TAPT1: variants seen among roughly 807,000 people sequenced by gnomAD.
TAPT1 encodes transmembrane anterior posterior transformation 1.
TAPT1 carries 28 observed loss-of-function variants against 65.6 expected under a neutral mutation model. The observed-to-expected ratio is 0.43, with a 90% CI of 0.32 to 0.59. The LOEUF (loss-of-function observed/expected upper bound fraction) is 0.59, where lower values mean the gene tolerates loss of function less well. TAPT1 is among the 20% of genes least tolerant of loss of function. TAPT1 has a pLI of 0.09. For missense variants in TAPT1, 563 were observed against 679.9 expected, an observed-to-expected ratio of 0.83 and a Z score of 1.91; for synonymous variants, 278 against 245.2, an observed-to-expected ratio of 1.13 and a Z score of -1.25.
intron 2 of TAPT1, among the ~76,000 whole-genome samples, chr4:16,210,360 C>T (rs1456683092): frequency 1.3e-5 from 2 of 152,146 alleles, no homozygotes; most frequent in Non-Finnish European, 2.9e-5. Flanking sequence ...AAAACCACAC[C>T]TCTCCCAATC....
At chr4:16,182,132 T>C (rs963477440) in intron 7 of TAPT1, among the ~76,000 whole-genome samples, 8 of 152,336 alleles carry the variant, frequency 5.3e-5, no homozygotes, top group African/African-American at 1.9e-4. Flanking sequence ...CTTTTACATT[T>C]AAATGTTTTA....
upstream of TAPT1, chr4:16,226,698 T>G (rs2108908884): frequency 6.4e-6 from 1 of 157,170 alleles, no homozygotes; most frequent in Non-Finnish European, 1.4e-5. Context: ...GGGCGACGGT[T>G]TCTCGCGCCG....
chr4:16,198,269 G>T (rs1749831798), intron 3 of TAPT1, among the ~76,000 whole-genome samples: 1 of 152,134 alleles, frequency 6.6e-6, no homozygotes. Flanking sequence ...GAACACGGGG[G>T]TCTATGTGCT....
At chr4:16,227,006 G>T (rs1465576998), upstream of TAPT1, 1 of 449,392 alleles carries the variant, frequency 2.2e-6, no homozygotes, top group South Asian at 1.6e-5. Context: ...CGGCGGCGGG[G>T]GCCCGGCTCC....
intron 13 of TAPT1, among the ~76,000 whole-genome samples, chr4:16,165,733 C>A (rs1236260275): frequency 6.6e-6 from 1 of 152,136 alleles, no homozygotes; most frequent in Non-Finnish European, 1.5e-5. Context: ...CTCACCTATT[C>A]TTCTCACACT....
chr4:16,164,758 C>T (rs1348544593), intron 13 of TAPT1, among the ~76,000 whole-genome samples: 3 of 152,018 alleles, frequency 2.0e-5, no homozygotes, highest in African/African-American at 7.3e-5. Flanking sequence ...ATATGCGTAA[C>T]AAGAGAACAC....
intron 3 of TAPT1, among the ~76,000 whole-genome samples, chr4:16,201,959 C>T (rs576721402): frequency 1.3e-5 from 2 of 152,118 alleles, no homozygotes; most frequent in Non-Finnish European, 2.9e-5. Flanking sequence ...AAATCAGTCT[C>T]GTCCATAACC....
At chr4:16,219,069 G>C (rs934941835) in intron 1 of TAPT1, among the ~76,000 whole-genome samples, 2 of 152,152 alleles carry the variant, frequency 1.3e-5, no homozygotes, top group Non-Finnish European at 2.9e-5. Context: ...TATTTTGAGT[G>C]TACAGCTCTC....
At chr4:16,217,030 T>TCCCAAACACGTCAATGGGTTCA (rs1345449565) in intron 1 of TAPT1, among the ~76,000 whole-genome samples, 97 of 152,304 alleles carry the variant, frequency 6.4e-4, no homozygotes, top group Middle Eastern at 6.8e-3. Flanking sequence ...TTTTCATTTC[T>TCCCAAACACGTCAATGGGTTCA]CCCAAACACG....
chr4:16,201,104 A>G (rs1421904207), intron 3 of TAPT1, among the ~76,000 whole-genome samples: 2 of 152,228 alleles, frequency 1.3e-5, no homozygotes, highest in African/African-American at 4.8e-5. Flanking sequence ...TACTCCATGT[A>G]ATCTTGCAAA....
intron 9 of TAPT1, among the ~76,000 whole-genome samples, chr4:16,175,230 G>A (rs1471987419): frequency 6.6e-6 from 1 of 152,058 alleles, no homozygotes; most frequent in Non-Finnish European, 1.5e-5. Context: ...TCTCAATCAA[G>A]CCTATTAATT....
intron 2 of TAPT1, among the ~76,000 whole-genome samples, chr4:16,207,423 T>G (rs1750413671): frequency 6.6e-6 from 1 of 152,236 alleles, no homozygotes; most frequent in South Asian, 2.1e-4. Flanking sequence ...AATGAACTTT[T>G]GGATTATTTT....
At chr4:16,202,965 A>C (rs968242509) in intron 2 of TAPT1, among the ~76,000 whole-genome samples, 3 of 152,200 alleles carry the variant, frequency 2.0e-5, no homozygotes, top group Non-Finnish European at 2.9e-5. Flanking sequence ...GAGTTACAAT[A>C]TTGTTTATGT....
chr4:16,224,751 A>G (rs1391886926), intron 1 of TAPT1, among the ~76,000 whole-genome samples: 1 of 152,234 alleles, frequency 6.6e-6, no homozygotes, highest in Non-Finnish European at 1.5e-5. Flanking sequence ...AATGAAGTCC[A>G]TGGAAGTCCA....
chr4:16,164,900 C>T (rs1198957055), intron 13 of TAPT1, among the ~76,000 whole-genome samples: 2 of 152,234 alleles, frequency 1.3e-5, no homozygotes, highest in African/African-American at 4.8e-5. Context: ...TTTTCGCTTC[C>T]GGTTAAGTAC....
chr4:16,224,355 C>A (rs1475638860), intron 1 of TAPT1, among the ~76,000 whole-genome samples: 1 of 152,148 alleles, frequency 6.6e-6, no homozygotes, highest in Non-Finnish European at 1.5e-5. Context: ...AAACCTCTAA[C>A]AAATATGGTT....
chr4:16,225,245 G>C (rs1425960135), intron 1 of TAPT1, among the ~76,000 whole-genome samples: 1 of 152,232 alleles, frequency 6.6e-6, no homozygotes, highest in Non-Finnish European at 1.5e-5. Context: ...AATCGCATCT[G>C]ATCAACTTTA....
chr4:16,179,367 C>A, intron 8 of TAPT1: 1 of 421,384 alleles, frequency 2.4e-6, no homozygotes, highest in Non-Finnish European at 4.3e-6. Context: ...TTTTCAGGTC[C>A]ATTAGAATCT....
At chr4:16,178,267 G>A (rs752192552) in intron 8 of TAPT1, among the ~76,000 whole-genome samples, 2 of 152,118 alleles carry the variant, frequency 1.3e-5, no homozygotes, top group Non-Finnish European at 2.9e-5. Context: ...GAGCTGCTGT[G>A]AGATGTCATT....
Sources: gnomAD v4.1 joint callset for allele counts (sites outside exome capture counted in the v4.1 genomes callset) on GRCh38, gnomAD v4.1.1 for gene constraint, MANE v1.5 for transcripts, NCBI Gene and HGNC (gene_info 2026-07-23, HGNC 2026-07-21) for gene names.